The following CHDH variants were observed in gnomAD, a reference collection of about 807,000 sequenced individuals.
CHDH encodes the protein choline dehydrogenase.
A neutral mutation model predicts 56.9 loss-of-function variants in CHDH; 43 were observed. That is an observed-to-expected ratio of 0.76 (90% CI 0.59 to 0.97). The LOEUF (loss-of-function observed/expected upper bound fraction) is 0.97, where lower values mean the gene tolerates loss of function less well. CHDH is among the 50% of genes least tolerant of loss of function. The pLI, the probability that CHDH is intolerant of heterozygous loss-of-function variation, is 0.00. For missense variants in CHDH, 816 were observed against 821.1 expected (o/e 0.99, Z 0.08); for synonymous variants, 364 against 348.5 (o/e 1.04, Z -0.50).
Position 53,822,704 on chromosome 3 carries a change from G to A in CHDH, c.704-62C>T, listed in dbSNP as rs1195148829. 7 of 1,562,774 alleles carry A rather than the reference G, an allele frequency of 4.5e-6. No individual in the cohort carries two copies. In the Admixed American group the frequency reaches 1.1e-4, roughly 23 times the overall value. ...CCCTCCCCTGGCACCTGGGCAGGAGGAAGGAGCTGGAGAAAGAAAGAGTGG... is the reference window on the plus strand; with the variant it reads ...CCCTCCCCTGGCACCTGGGCAGGAGAAAGGAGCTGGAGAAAGAAAGAGTGG... On this transcript the variant is annotated intron_variant, in intron 3 of 8. Coordinates refer to ENST00000315251, the MANE Select transcript of CHDH (RefSeq NM_018397.5).
At position 53,817,739 on chromosome 3, in the gene CHDH, C is replaced by G; in HGVS notation, c.*38G>C. The G allele has an allele frequency of 6.5e-7, 1 of 1,544,938 alleles. No homozygotes were observed. Among genetic ancestry groups the G allele is most frequent in the South Asian group, 1.3e-5 (1 of 79,176 alleles). On this transcript the variant is annotated 3_prime_UTR_variant, in exon 9 of 9. Coordinates refer to ENST00000315251, the MANE Select transcript of CHDH (RefSeq NM_018397.5). The stretch of plus-strand genomic sequence containing the variant: ...GGCTGTGCTGGCCCTCTTGGCTTAT[C>G]AGGGGGCTTCCCTGGTCATCCTCCA...
chr3:53,843,113 G>A (rs1428323272), intron 1 of CHDH, among the ~76,000 whole-genome samples: 1 of 151,470 alleles, frequency 6.6e-6, no homozygotes, highest in Non-Finnish European at 1.5e-5. Context: ...AGGCAAAGAA[G>A]CAAAGGTCGG....
In CHDH at chr3:53,813,294, G is replaced by A. The variant is rs1240733017; in HGVS notation, c.*4483C>T. 2 of 152,142 alleles carry A rather than the reference G, an allele frequency of 1.3e-5. No individual in the cohort carries two copies. Among genetic ancestry groups the A allele is most frequent in the African/African-American group, 4.8e-5 (2 of 41,430 alleles). The allele number at this position is 152,142 out of a possible 1,614,324, so 9.4% of individuals were successfully genotyped here. On this transcript the variant is annotated 3_prime_UTR_variant, in exon 9 of 9. Coordinates refer to ENST00000315251, the MANE Select transcript of CHDH (RefSeq NM_018397.5). ...ATCCTTTTTTATTAAAATGCAAAAT[G>A]TTCTTCAGAATAAAACTGTGTAATA...
intron 2 of CHDH, among the ~76,000 whole-genome samples, chr3:53,834,346 TGAGGCAGAAGAATCTCTTGAACCCAG>T (rs1333720577): frequency 6.6e-6 from 1 of 152,116 alleles, no homozygotes; most frequent in Admixed American, 6.5e-5. Flanking sequence ...CTCTGGAGGC[TGAGGCAGAAGAATCTCTTGAACCCAG>T]GAGGCAGAGG....
At chr3:53,818,771 C>A (rs1372638560) in intron 8 of CHDH, among the ~76,000 whole-genome samples, 167 bp downstream of exon 8, 1 of 152,186 alleles carries the variant, frequency 6.6e-6, no homozygotes, top group East Asian at 1.9e-4. Context: ...CAGGACACTA[C>A]GGGGCTGCCT....
Position 53,819,471 on chromosome 3 carries a change from C to T in CHDH, c.1263+61G>A. On this transcript the variant is annotated intron_variant, in intron 7 of 8. Coordinates refer to ENST00000315251, the MANE Select transcript of CHDH (RefSeq NM_018397.5). This position sits in a 1 kb window ranked among gnomAD's most constrained non-coding sequence, Gnocchi z 5.4. Reference sequence around the variant, plus strand: ...AGAATGCTGCCTTGGAAGATGGGAGCATCTTCCTTCCTGGTGGGAAGGAGA... The same window carrying T: ...AGAATGCTGCCTTGGAAGATGGGAGTATCTTCCTTCCTGGTGGGAAGGAGA... 1 of 1,550,210 alleles carries T rather than the reference C, an allele frequency of 6.5e-7. No individual in the cohort carries two copies. Among genetic ancestry groups the T allele is most frequent in the South Asian group, 1.2e-5 (1 of 80,342 alleles).
chr3:53,842,942 C>T (rs778874839), intron 1 of CHDH, among the ~76,000 whole-genome samples: 6 of 152,190 alleles, frequency 3.9e-5, no homozygotes, highest in East Asian at 1.9e-4. Flanking sequence ...GTGCCAGAAA[C>T]GGCTCACTCT....
chr3:53,842,867 G>A (rs908106861), intron 1 of CHDH, among the ~76,000 whole-genome samples: 4 of 152,216 alleles, frequency 2.6e-5, no homozygotes, highest in Non-Finnish European at 4.4e-5. Context: ...GAGGCCAGGA[G>A]TGCTCCCAAC....
Position 53,822,952 on chromosome 3 carries a change from G to A in CHDH, c.704-310C>T, listed in dbSNP as rs143545149. Among the ~76,000 whole-genome samples, 271 of 152,268 alleles carry A rather than the reference G, an allele frequency of 1.8e-3. 2 individuals are homozygous for A. Among genetic ancestry groups the A allele is most frequent in the African/African-American group, 6.0e-3 (250 of 41,552 alleles). On this transcript the variant is annotated intron_variant, in intron 3 of 8. Transcript: ENST00000315251. Reference sequence around the variant, plus strand: ...AGAAGCCCCGGGTCAGCCCTGGCTCGCCTCTGTCCTGCTGTGAGCAAGGCC... The same window carrying A: ...AGAAGCCCCGGGTCAGCCCTGGCTCACCTCTGTCCTGCTGTGAGCAAGGCC...
chr3:53,830,807 T>C (rs1365352592), intron 2 of CHDH, among the ~76,000 whole-genome samples: 3 of 152,206 alleles, frequency 2.0e-5, no homozygotes, highest in Non-Finnish European at 4.4e-5. Context: ...AAGAGCAAGA[T>C]GGCAAATCTC....
At chr3:53,828,440 C>T (rs530203916) in intron 2 of CHDH, among the ~76,000 whole-genome samples, 105 of 152,254 alleles carry the variant, frequency 6.9e-4, no homozygotes, top group African/African-American at 2.2e-3. Flanking sequence ...TTGCTAAAGA[C>T]ACTACCAAGA....
chr3:53,822,978 C>G (rs1576783159), intron 3 of CHDH, among the ~76,000 whole-genome samples: 1 of 152,154 alleles, frequency 6.6e-6, no homozygotes, highest in Non-Finnish European at 1.5e-5. Context: ...GAGCAAGGCC[C>G]TTCACCACTC....
At chr3:53,822,457 C>G (rs1428876892) in intron 4 of CHDH, 34 bp downstream of exon 4, 1 of 1,584,250 alleles carries the variant, frequency 6.3e-7, no homozygotes, top group African/African-American at 1.3e-5. Context: ...CTGCCCACCC[C>G]CTTCTTCCAG....
chr3:53,833,777 T>C (rs905546309), intron 2 of CHDH, among the ~76,000 whole-genome samples: 3 of 152,178 alleles, frequency 2.0e-5, no homozygotes, highest in African/African-American at 7.2e-5. Flanking sequence ...GAGGAAGATG[T>C]GGCTTTGCCA....
intron 1 of CHDH, 64 bp downstream of exon 1, chr3:53,846,019 T>TC (rs1001048319): frequency 3.3e-5 from 5 of 152,172 alleles, no homozygotes; most frequent in Admixed American, 6.5e-5. Flanking sequence ...CCCCCAGGCC[T>TC]CTCCGGGCTA....
intron 2 of CHDH, among the ~76,000 whole-genome samples, chr3:53,833,790 T>A (rs1446885160): frequency 6.6e-6 from 1 of 152,130 alleles, no homozygotes; most frequent in Non-Finnish European, 1.5e-5. Context: ...CTTTGCCAAC[T>A]GACAAGCACG....
intron 2 of CHDH, among the ~76,000 whole-genome samples, chr3:53,831,870 T>G (rs145696571): frequency 6.7e-6 from 1 of 149,346 alleles, no homozygotes; most frequent in East Asian, 2.0e-4. Context: ...ATCACACCCA[T>G]CAGGATGGCT....
chr3:53,844,075 C>T (rs1359611294), intron 1 of CHDH, among the ~76,000 whole-genome samples: 2 of 152,144 alleles, frequency 1.3e-5, no homozygotes, highest in Non-Finnish European at 2.9e-5. Flanking sequence ...GCTACAGGGC[C>T]CTTCACACCC....
At chr3:53,821,107 C>T (rs2095625502) in intron 5 of CHDH, among the ~76,000 whole-genome samples, 1 of 152,238 alleles carries the variant, frequency 6.6e-6, no homozygotes, top group Admixed American at 6.5e-5. Context: ...CCGGGCCCCT[C>T]ATGATGAAGC....
Sources: gnomAD v4.1 joint callset for allele counts (sites outside exome capture counted in the v4.1 genomes callset) on GRCh38, gnomAD v4.1.1 for gene constraint, Gnocchi (gnomAD v3.1) non-coding constraint, MANE v1.5 for transcripts, NCBI Gene and HGNC (gene_info 2026-07-23, HGNC 2026-07-21) for gene names.